The following ADPRHL1 variants were observed in gnomAD, a reference collection of about 807,000 sequenced individuals.
The protein encoded by ADPRHL1 is ADP-ribosylhydrolase like 1.
Under a neutral mutation model 44.1 loss-of-function variants are expected in ADPRHL1, and 43 were observed. The observed-to-expected ratio is 0.98, with a 90% CI of 0.76 to 1.26. The LOEUF (loss-of-function observed/expected upper bound fraction) is 1.26. ADPRHL1 is among the 50% of genes most tolerant of loss of function. The pLI, the probability that ADPRHL1 is intolerant of heterozygous loss-of-function variation, is 0.00. For missense variants in ADPRHL1, 2,022 were observed against 2,496.9 expected, an observed-to-expected ratio of 0.81 and a Z score of 4.05; for synonymous variants, 878 against 1,017.4, an observed-to-expected ratio of 0.86 and a Z score of 2.61.
chr13:113,438,851 T>C (rs891365215), intron 2 of ADPRHL1, among the ~76,000 whole-genome samples: 2 of 152,144 alleles, frequency 1.3e-5, no homozygotes, highest in Non-Finnish European at 2.9e-5. Flanking sequence ...ATGGGGTTGC[T>C]TGCTTTCTTC....
rs143076658 is a variant in ADPRHL1 at position 113,404,629 on chromosome 13, G to A, written c.4653C>T (p.His1551=). The A allele has an allele frequency of 1.7e-4, 224 of 1,281,270 alleles. No homozygotes were observed. The highest frequency in any genetic ancestry group is 1.5e-3 in the East Asian group (49 of 31,768). The allele number at this position is 1,281,270 out of a possible 1,614,324, so 79.4% of individuals were successfully genotyped here. The change falls in exon 8 of 8, where the codon CAC becomes CAT. Residue 1551 remains histidine (H), a synonymous_variant. Coordinates refer to ENST00000612156, the MANE Select transcript of ADPRHL1 (RefSeq NM_001394807.1). ...QNWAQGQAQG[H]AQEQAQWQTQ... is the part of the protein sequence containing the mutation. ...TCTGCCACTGGGCCTGTTCTTGAGC[G>A]TGTCCCTGAGCCTGTCCCTGGGCCC...
chr13:113,452,490 G>A (rs558494907), intron 1 of ADPRHL1, among the ~76,000 whole-genome samples: 55 of 152,286 alleles, frequency 3.6e-4, no homozygotes, highest in Non-Finnish European at 6.9e-4. Flanking sequence ...CAGCACCCAC[G>A]GGGTTTTGAA....
chr13:113,440,810 C>T (rs912164916), intron 2 of ADPRHL1, among the ~76,000 whole-genome samples: 4 of 152,092 alleles, frequency 2.6e-5, no homozygotes, highest in African/African-American at 9.7e-5. Context: ...TAAAGTGTTA[C>T]TGAAGTGCAA....
At chr13:113,424,793 TACCCACCCACC>T (rs2043954449) in intron 5 of ADPRHL1, among the ~76,000 whole-genome samples, 1 of 18,762 alleles carries the variant, frequency 5.3e-5, no homozygotes, top group African/African-American at 2.2e-4. Flanking sequence ...CCCATCCATA[TACCCACCCACC>T]CACCCATGCA....
Position 113,408,223 on chromosome 13 carries a change from G to A in ADPRHL1, c.1062-3C>T, listed in dbSNP as rs2043824053. On this transcript the variant is annotated splice_region_variant and splice_polypyrimidine_tract_variant and intron_variant, in intron 7 of 7. Coordinates refer to ENST00000612156, the MANE Select transcript of ADPRHL1 (RefSeq NM_001394807.1). ...TGCAGGTCTTGCTGCTCTTCCGGCTGCAGAGAAAAAGGAATCATCACCTAC... is the reference window on the plus strand; with the variant it reads ...TGCAGGTCTTGCTGCTCTTCCGGCTACAGAGAAAAAGGAATCATCACCTAC... The A allele has an allele frequency of 1.6e-6, 2 of 1,231,884 alleles. No homozygotes were observed. The highest frequency in any genetic ancestry group is 4.2e-5 in the Admixed American group (1 of 23,708). 76.3% of individuals were successfully genotyped at this position (1,231,884 alleles called of 1,614,324 possible). A position where few individuals can be genotyped will look rare whatever the true frequency, so the allele number is the denominator to read the frequency against.
In ADPRHL1 at chr13:113,446,255, A is replaced by C. The variant is rs192249580; in HGVS notation, c.215-1666T>G. 3.6e-3 allele frequency among the ~76,000 whole-genome samples: 534 copies of C among 146,380 alleles called. 14 individuals carry two copies. In the East Asian group the frequency reaches 0.066, roughly 18 times the overall value. On this transcript the variant is annotated intron_variant, in intron 1 of 7. Coordinates refer to ENST00000612156, the MANE Select transcript of ADPRHL1 (RefSeq NM_001394807.1). The stretch of plus-strand genomic sequence containing the variant: ...AGGGCCCTGCAGCTGCAAACCCCCC[A>C]GAGAGAGTGCACAGGGCCCAGTGGC...
intron 1 of ADPRHL1, among the ~76,000 whole-genome samples, chr13:113,450,988 G>A (rs1021366419): frequency 8.6e-5 from 13 of 151,718 alleles, no homozygotes; most frequent in Admixed American, 5.3e-4. Flanking sequence ...AGTAGCAGGT[G>A]TTGTTCCTTG....
At chr13:113,436,226 G>A (rs79469375) in intron 2 of ADPRHL1, among the ~76,000 whole-genome samples, 1 of 151,274 alleles carries the variant, frequency 6.6e-6, no homozygotes, top group Non-Finnish European at 1.5e-5. Context: ...GGTGTACCCC[G>A]GGACCCGGCA....
intron 1 of ADPRHL1, among the ~76,000 whole-genome samples, chr13:113,447,146 G>T: frequency 7.0e-6 from 1 of 143,056 alleles, no homozygotes; most frequent in Non-Finnish European, 1.5e-5. Flanking sequence ...AGTTGTATGT[G>T]CATGGCGTCT....
chr13:113,439,120 T>C (rs533526328), intron 2 of ADPRHL1, among the ~76,000 whole-genome samples: 1 of 152,272 alleles, frequency 6.6e-6, no homozygotes, highest in East Asian at 1.9e-4. Context: ...TCTTTCCTTT[T>C]TTTTTTCTTT....
chr13:113,421,321 C>T (rs1269602558), intron 7 of ADPRHL1, among the ~76,000 whole-genome samples: 1 of 138,016 alleles, frequency 7.2e-6, no homozygotes, highest in Admixed American at 7.0e-5. Flanking sequence ...ACGCCCACCC[C>T]GGGACACGCC....
In ADPRHL1 at chr13:113,404,994, T is replaced by C; in HGVS notation, c.4288A>G (p.Ile1430Val). ...CGCTGGCAGGCGCCCCCAACCCCAA[T>C]GGCCATCCCTTTGTCCCCGGCCAGA... ...QDLAGDKGMA[I>V]GVGGACQRSD... Residue 1430 changes from isoleucine to valine, a missense_variant, in exon 8 of 8, where the codon ATT (isoleucine) becomes GTT (valine). Coordinates refer to ENST00000612156, the MANE Select transcript of ADPRHL1 (RefSeq NM_001394807.1). 8.1e-7 allele frequency: 1 copy of C among 1,234,268 alleles called. No individual in the cohort carries two copies. Among genetic ancestry groups the C allele is most frequent in the Non-Finnish European group, 1.0e-6 (1 of 989,766 alleles). 76.5% of individuals were successfully genotyped at this position (1,234,268 alleles called of 1,614,324 possible). A position where few individuals can be genotyped will look rare whatever the true frequency, so the allele number is the denominator to read the frequency against.
intron 4 of ADPRHL1, among the ~76,000 whole-genome samples, chr13:113,426,518 A>G (rs1408659615): frequency 6.6e-6 from 1 of 152,128 alleles, no homozygotes; most frequent in East Asian, 1.9e-4. Context: ...CGCTCCTGCC[A>G]CAGAGCTCCA....
Position 113,409,583 on chromosome 13 carries a change from G to A in ADPRHL1, c.1062-1363C>T, listed in dbSNP as rs748478363. The A allele has an allele frequency of 1.0e-5, 10 of 985,368 alleles. No individual in the cohort carries two copies. The highest frequency in any genetic ancestry group is 1.1e-5 in the Non-Finnish European group (9 of 829,912). 61.0% of individuals were successfully genotyped at this position (985,368 alleles called of 1,614,324 possible). ...CCAAGTGAAAAGCTCACTCTAACCC[G>A]ATTGTTTTTAAGAAGCTGAGGCCGG... On this transcript the variant is annotated intron_variant, in intron 7 of 7. Coordinates refer to ENST00000612156, the MANE Select transcript of ADPRHL1 (RefSeq NM_001394807.1). This position sits in a 1 kb window ranked among gnomAD's most constrained non-coding sequence, Gnocchi z 4.2.
intron 2 of ADPRHL1, among the ~76,000 whole-genome samples, chr13:113,440,331 T>G (rs2044088392): frequency 6.6e-6 from 1 of 152,200 alleles, no homozygotes; most frequent in South Asian, 2.1e-4. Flanking sequence ...ACTGATCCAT[T>G]TACTAGGATG....
At chr13:113,448,956 C>T (rs2044160881) in intron 1 of ADPRHL1, 1 of 985,238 alleles carries the variant, frequency 1.0e-6, no homozygotes, top group African/African-American at 1.7e-5. Context: ...GCCGAGCTCT[C>T]TGTGCGAGGC....
intron 7 of ADPRHL1, chr13:113,410,203 C>T (rs916252983): frequency 2.3e-5 from 20 of 881,816 alleles, no homozygotes; most frequent in Non-Finnish European, 2.6e-5. Flanking sequence ...CCCACCTTCC[C>T]GAGACGCCTC....
chr13:113,400,457 CTTTTTTTTT>C lies in ADPRHL1; in HGVS notation c.*2912_*2920del, dbSNP rs565978475. ...CCGTGCCCGGCCACTTTCTTTCTTT[CTTTTTTTTT>C]TTTTTTAAAAAAACAAAACAACTTT... On this transcript the variant is annotated 3_prime_UTR_variant, in exon 8 of 8. Coordinates refer to ENST00000612156, the MANE Select transcript of ADPRHL1 (RefSeq NM_001394807.1). 7.8e-6 allele frequency: 1 copy of C among 127,760 alleles called. No individual in the cohort carries two copies. Among genetic ancestry groups the C allele is most frequent in the African/African-American group, 3.2e-5 (1 of 30,860 alleles). 7.9% of individuals were successfully genotyped at this position (127,760 alleles called of 1,614,324 possible).
At chr13:113,425,717 G>A (rs1271483987) in intron 4 of ADPRHL1, among the ~76,000 whole-genome samples, 6 of 139,242 alleles carry the variant, frequency 4.3e-5, no homozygotes, top group African/African-American at 1.1e-4. Context: ...GTCTCTCTCT[G>A]TTGCCCAGGC....
Sources: allele counts gnomAD v4.1 joint callset (sites outside exome capture counted in the v4.1 genomes callset), GRCh38; gene constraint gnomAD v4.1.1; non-coding constraint Gnocchi (gnomAD v3.1); transcripts MANE v1.5; gene names NCBI Gene and HGNC (gene_info 2026-07-23, HGNC 2026-07-21).